KANK4: variants seen among roughly 807,000 people sequenced by gnomAD.
The protein encoded by KANK4 is KN motif and ankyrin repeat domains 4, also known as KN motif and ankyrin repeat domain-containing protein 4.
A neutral mutation model predicts 80.8 loss-of-function variants in KANK4; 50 were observed. That is an observed-to-expected ratio of 0.62 (90% CI 0.49 to 0.78). The LOEUF (loss-of-function observed/expected upper bound fraction) is 0.78. Ranked by LOEUF, KANK4 falls within the 30% of genes least tolerant of loss-of-function variation. The pLI, the probability that KANK4 is intolerant of heterozygous loss-of-function variation, is 0.00. For missense variants in KANK4, 1,196 were observed against 1,240.1 expected (o/e 0.96, Z 0.53); for synonymous variants, 465 against 506.9 (o/e 0.92, Z 1.11).
intron 1 of KANK4, among the ~76,000 whole-genome samples, chr1:62,301,750 T>C (rs150528762): frequency 1.8e-3 from 273 of 152,124 alleles, no homozygotes; most frequent in African/African-American, 6.0e-3. Context: ...ATGAGGTATG[T>C]AAAATGCTTA....
intron 8 of KANK4, among the ~76,000 whole-genome samples, chr1:62,248,665 C>A (rs1301364837): frequency 6.6e-6 from 1 of 151,660 alleles, no homozygotes; most frequent in Non-Finnish European, 1.5e-5. Context: ...CTGCCTCAGC[C>A]GCCCAAGTAG....
Position 62,273,658 on chromosome 1 carries a change from T to G in KANK4, c.1446A>C (p.Gly482=). 1 of 1,614,064 alleles carries G rather than the reference T, an allele frequency of 6.2e-7. No individual in the cohort carries two copies. Among genetic ancestry groups the G allele is most frequent in the South Asian group, 1.1e-5 (1 of 91,072 alleles). The change falls in exon 3 of 10, where the codon GGA becomes GGC. Residue 482 remains glycine (G), a synonymous_variant. Coordinates refer to ENST00000371153, the MANE Select transcript of KANK4 (RefSeq NM_181712.5). ...CAGAGGAGGTAAGGACCTGCTCGGG[T>G]CCCTGTGGCAGTGACAGCTGGGGCA... ...VLLPQLSLPQ[G]PEQVLTSSVH...
intron 1 of KANK4, among the ~76,000 whole-genome samples, chr1:62,303,716 T>C (rs528628725): frequency 6.6e-5 from 10 of 152,226 alleles, no homozygotes; most frequent in South Asian, 4.1e-4. Context: ...AAAATGAATA[T>C]AAAATTTCTC....
chr1:62,290,111 GAAATTCAATTAT>G (rs1215143925), intron 1 of KANK4, among the ~76,000 whole-genome samples: 32 of 152,214 alleles, frequency 2.1e-4, no homozygotes, highest in African/African-American at 6.7e-4. Context: ...TATAATAGTA[GAAATTCAATTAT>G]AAATTCAATT....
chr1:62,282,087 A>G (rs764077962), intron 1 of KANK4, among the ~76,000 whole-genome samples: 30 of 152,154 alleles, frequency 2.0e-4, no homozygotes, highest in Non-Finnish European at 4.1e-4. Context: ...CAGAGTACCT[A>G]TAAATGATGT....
intron 7 of KANK4, among the ~76,000 whole-genome samples, chr1:62,259,728 T>C (rs1406986540): frequency 1.3e-5 from 2 of 148,572 alleles, no homozygotes; most frequent in Non-Finnish European, 3.0e-5. Context: ...GAAATAATTA[T>C]ATTCATTATT....
chr1:62,296,788 C>T (rs1460216163), intron 1 of KANK4, among the ~76,000 whole-genome samples: 3 of 152,046 alleles, frequency 2.0e-5, no homozygotes, highest in Non-Finnish European at 4.4e-5. Flanking sequence ...GATCTACCCG[C>T]CTTGGCCTCC....
chr1:62,266,089 CA>C (rs1672011345), intron 6 of KANK4, among the ~76,000 whole-genome samples: 1 of 152,228 alleles, frequency 6.6e-6, no homozygotes, highest in Non-Finnish European at 1.5e-5. Flanking sequence ...TCTCAAACCA[CA>C]GGGCCATCGT....
intron 2 of KANK4, among the ~76,000 whole-genome samples, chr1:62,279,615 A>T (rs1672409081): frequency 2.0e-5 from 3 of 152,226 alleles, no homozygotes; most frequent in Admixed American, 6.5e-5. Flanking sequence ...TGTAAAGTGG[A>T]GATAATAATG....
chr1:62,287,154 C>G (rs1672588063), intron 1 of KANK4, among the ~76,000 whole-genome samples: 1 of 152,110 alleles, frequency 6.6e-6, no homozygotes, highest in Non-Finnish European at 1.5e-5. Context: ...TGCTGCAGTT[C>G]TTAGGAGCAG....
chr1:62,275,565 A>G (rs1202126602), intron 2 of KANK4, among the ~76,000 whole-genome samples: 2 of 152,242 alleles, frequency 1.3e-5, no homozygotes, highest in Non-Finnish European at 2.9e-5. Context: ...CCTAACTTGC[A>G]TGACTCAAAT....
chr1:62,270,186 A>G lies in KANK4; in HGVS notation c.2012+1292T>C, dbSNP rs113805249. 6.9e-3 allele frequency among the ~76,000 whole-genome samples: 886 copies of G among 128,162 alleles called. 6 individuals are homozygous for G. Among genetic ancestry groups the G allele is most frequent in the South Asian group, 9.3e-3 (40 of 4,312 alleles). 84.1% of individuals were successfully genotyped at this position (128,162 alleles called of 152,430 possible). On this transcript the variant is annotated intron_variant, in intron 4 of 9. Transcript: ENST00000371153. Reference sequence around the variant, plus strand: ...GGCAGAGCCATGATTTGGTTCTTCCACATTTGGATGCAGAGTGGGGACCAT... The same window carrying G: ...GGCAGAGCCATGATTTGGTTCTTCCGCATTTGGATGCAGAGTGGGGACCAT...
chr1:62,303,231 T>TC (rs61264462), intron 1 of KANK4, among the ~76,000 whole-genome samples: 9,421 of 151,898 alleles, frequency 0.062, 956 homozygotes, highest in African/African-American at 0.21. Context: ...ATTTAATGGA[T>TC]CCAGCAGTCC....
chr1:62,241,089 T>C (rs1671330210), intron 9 of KANK4, among the ~76,000 whole-genome samples: 1 of 152,186 alleles, frequency 6.6e-6, no homozygotes, highest in Non-Finnish European at 1.5e-5. Flanking sequence ...ATGCACAGAT[T>C]TACTTCCTAA....
At chr1:62,313,012 G>A (rs1644510234) in intron 1 of KANK4, among the ~76,000 whole-genome samples, 1 of 152,096 alleles carries the variant, frequency 6.6e-6, no homozygotes, top group African/African-American at 2.4e-5. Context: ...TTCGCTTTCT[G>A]AAGTTTCAGT....
At chr1:62,287,543 C>T (rs753983438) in intron 1 of KANK4, among the ~76,000 whole-genome samples, 3 of 152,178 alleles carry the variant, frequency 2.0e-5, no homozygotes, top group Admixed American at 6.5e-5. Flanking sequence ...AAGCACTTTC[C>T]GTCCTGTGTC....
At chr1:62,309,981 C>T (rs974129826) in intron 1 of KANK4, among the ~76,000 whole-genome samples, 8 of 152,124 alleles carry the variant, frequency 5.3e-5, no homozygotes, top group South Asian at 2.1e-4. Context: ...ATTCAGCAGT[C>T]GGCAAAGCCA....
intron 9 of KANK4, among the ~76,000 whole-genome samples, chr1:62,239,792 G>T (rs1671296344): frequency 6.6e-6 from 1 of 152,146 alleles, no homozygotes; most frequent in African/African-American, 2.4e-5. Context: ...GCGATGGTTT[G>T]CTCAGAATGA....
intron 1 of KANK4, among the ~76,000 whole-genome samples, chr1:62,297,546 C>T (rs1008880847): frequency 5.3e-5 from 8 of 152,028 alleles, no homozygotes; most frequent in African/African-American, 1.2e-4. Context: ...AAGTAGCTTT[C>T]GGAAGTCTAA....
Sources: gnomAD v4.1 joint callset for allele counts (sites outside exome capture counted in the v4.1 genomes callset) on GRCh38, gnomAD v4.1.1 for gene constraint, MANE v1.5 for transcripts, NCBI Gene and HGNC (gene_info 2026-07-23, HGNC 2026-07-21) for gene names.